ATP8A1: variants seen among roughly 807,000 people sequenced by gnomAD.
ATP8A1 encodes the protein phospholipid-transporting ATPase IA.
ATP8A1 carries 90 observed loss-of-function variants against 177.7 expected under a neutral mutation model. The observed-to-expected ratio is 0.51, with a 90% confidence interval of 0.43 to 0.60. The LOEUF (loss-of-function observed/expected upper bound fraction) is 0.60. Among genes scored for constraint, ATP8A1 ranks in the 20% least tolerant of loss-of-function variants. The pLI, the probability that ATP8A1 is intolerant of heterozygous loss-of-function variation, is 0.00. For synonymous variants in ATP8A1, 493 were observed against 485.9 expected (o/e 1.01, Z -0.19); for missense variants, 1,072 against 1,392.8 (o/e 0.77, Z 3.67).
intron 1 of ATP8A1, among the ~76,000 whole-genome samples, chr4:42,646,108 G>C (rs924084047): frequency 2.6e-5 from 4 of 152,334 alleles, no homozygotes; most frequent in Middle Eastern, 3.4e-3. Flanking sequence ...GTGGGTTCAG[G>C]TGAGCTGGCC....
At chr4:42,601,812 G>A (rs1735302949) in intron 5 of ATP8A1, among the ~76,000 whole-genome samples, 1 of 152,022 alleles carries the variant, frequency 6.6e-6, no homozygotes, top group African/African-American at 2.4e-5. Flanking sequence ...TTTGATGTTG[G>A]GATAGATGAA....
intron 24 of ATP8A1, among the ~76,000 whole-genome samples, chr4:42,497,655 A>C (rs1303527814): frequency 1.3e-5 from 2 of 152,216 alleles, no homozygotes; most frequent in Non-Finnish European, 2.9e-5. Flanking sequence ...TTAAAAAAAA[A>C]GGACACATTT....
At position 42,623,856 on chromosome 4, in the gene ATP8A1, A is replaced by C. The variant is rs75283311; in HGVS notation, c.363+680T>G. 1.0e-3 allele frequency among the ~76,000 whole-genome samples: 156 copies of C among 152,278 alleles called. 1 individual carries two copies. In the East Asian group the frequency reaches 0.028, roughly 28 times the overall value. On this transcript the variant is annotated intron_variant, in intron 4 of 36. Coordinates refer to ENST00000381668, the MANE Select transcript of ATP8A1 (RefSeq NM_006095.2). ...CCTGCACATGTACCCCTGAACTTAA[A>C]AGTCTCTCCTTCTCTCTCTCTATAT...
chr4:42,552,447 CTT>C (rs757973498), intron 17 of ATP8A1, 56 bp downstream of exon 17: 487 of 1,380,438 alleles, frequency 3.5e-4, no homozygotes, highest in Middle Eastern at 1.3e-3. Flanking sequence ...ATTAAATTGA[CTT>C]TTACATTCAG....
At chr4:42,506,180 C>T (rs764901206) in intron 23 of ATP8A1, among the ~76,000 whole-genome samples, 3 of 152,190 alleles carry the variant, frequency 2.0e-5, no homozygotes, top group Non-Finnish European at 4.4e-5. Context: ...AATTCATATG[C>T]TGAAACCCAG....
At chr4:42,451,033 C>T (rs761171749) in intron 30 of ATP8A1, among the ~76,000 whole-genome samples, 6 of 151,978 alleles carry the variant, frequency 3.9e-5, no homozygotes, top group Admixed American at 6.6e-5. Flanking sequence ...AGAGCCAATT[C>T]GAATATCTGT....
intron 1 of ATP8A1, among the ~76,000 whole-genome samples, chr4:42,630,623 T>C (rs902528687): frequency 1.3e-5 from 2 of 152,128 alleles, no homozygotes; most frequent in African/African-American, 4.8e-5. Flanking sequence ...CCTAGCACAA[T>C]CTTGTGCAAA....
intron 1 of ATP8A1, among the ~76,000 whole-genome samples, chr4:42,636,143 CACACA>C (rs1739329729): frequency 1.2e-4 from 5 of 41,412 alleles, no homozygotes; most frequent in African/African-American, 2.9e-4. Context: ...CACACACACA[CACACA>C]CACACACACG....
chr4:42,414,979 C>T (rs1267600825), intron 35 of ATP8A1: 1 of 436,772 alleles, frequency 2.3e-6, no homozygotes, highest in Non-Finnish European at 4.2e-6. Context: ...CCTCACCACC[C>T]CCCACTCAGT....
At chr4:42,521,568 T>C (rs1276323917) in intron 22 of ATP8A1, among the ~76,000 whole-genome samples, 1 of 152,238 alleles carries the variant, frequency 6.6e-6, no homozygotes, top group Admixed American at 6.5e-5. Flanking sequence ...TTTCTTTATC[T>C]GTAAAATGAG....
chr4:42,590,374 A>G (rs1445181624), intron 7 of ATP8A1, among the ~76,000 whole-genome samples: 4 of 152,214 alleles, frequency 2.6e-5, no homozygotes, highest in African/African-American at 9.6e-5. Flanking sequence ...GAACTTACAG[A>G]AAAATTTAAA....
chr4:42,544,434 A>C (rs972146557), intron 19 of ATP8A1, among the ~76,000 whole-genome samples: 1 of 152,246 alleles, frequency 6.6e-6, no homozygotes, highest in Non-Finnish European at 1.5e-5. Context: ...GAAGGCAAAT[A>C]CTAGTACTTT....
chr4:42,529,051 C>G (rs1411404491), intron 20 of ATP8A1, among the ~76,000 whole-genome samples: 3 of 152,278 alleles, frequency 2.0e-5, no homozygotes, highest in African/African-American at 7.2e-5. Flanking sequence ...CATTCCTTAT[C>G]TAGGTGTGTT....
chr4:42,435,028 T>C (rs1203948505), intron 33 of ATP8A1, among the ~76,000 whole-genome samples: 1 of 152,222 alleles, frequency 6.6e-6, no homozygotes, highest in Non-Finnish European at 1.5e-5. Context: ...GTAACTTGCT[T>C]TGGATGATGC....
rs964462064 is a variant in ATP8A1, at chr4:42,465,901, G to A, written c.2325-825C>T. Among the ~76,000 whole-genome samples the A allele has an allele frequency of 7.2e-5, 11 of 152,002 alleles. 1 individual carries two copies. Among genetic ancestry groups the A allele is most frequent in the Middle Eastern group, 6.8e-3 (2 of 294 alleles). On this transcript the variant is annotated intron_variant, in intron 25 of 36. Coordinates refer to ENST00000381668, the MANE Select transcript of ATP8A1 (RefSeq NM_006095.2). Reference sequence around the variant, plus strand: ...CAAAAAATTAGCCGGGCGTGGTGGCGGGCGCCTGTAGTCCCAGCTACTTGG... The same window carrying A: ...CAAAAAATTAGCCGGGCGTGGTGGCAGGCGCCTGTAGTCCCAGCTACTTGG...
At chr4:42,444,508 C>T (rs1716997694) in intron 32 of ATP8A1, 70 bp downstream of exon 32, 1 of 1,449,488 alleles carries the variant, frequency 6.9e-7, no homozygotes, top group Non-Finnish European at 9.6e-7. Flanking sequence ...GAGTGAAGAC[C>T]ACCACCAAGA....
At chr4:42,642,417 T>G (rs1382425479) in intron 1 of ATP8A1, among the ~76,000 whole-genome samples, 2 of 152,128 alleles carry the variant, frequency 1.3e-5, no homozygotes, top group African/African-American at 4.8e-5. Flanking sequence ...AAGCCAAGAA[T>G]CATTTTCACA....
chr4:42,615,119 T>A (rs1336346355), intron 5 of ATP8A1, among the ~76,000 whole-genome samples: 1 of 152,230 alleles, frequency 6.6e-6, no homozygotes, highest in Non-Finnish European at 1.5e-5. Flanking sequence ...TAAGTTGAAA[T>A]TCCCGTCTTA....
At position 42,452,009 on chromosome 4, in the gene ATP8A1, A is replaced by G. The variant is rs201094493; in HGVS notation, c.2868T>C (p.Phe956=). Residue 956 remains phenylalanine, a synonymous_variant, in exon 30 of 37, where the codon TTT becomes TTC. Coordinates refer to ENST00000381668, the MANE Select transcript of ATP8A1 (RefSeq NM_006095.2). ...ACTGAAGGGCTTTTAGTGGAAACCA[A>G]AACAGAATAACTGAGTGGAAGAGGC... ...LNGLFHSVIL[F]WFPLKALQYG... 2.0e-5 allele frequency: 33 copies of G among 1,613,196 alleles called. No homozygotes were observed. The highest frequency in any genetic ancestry group is 8.5e-7 in the Non-Finnish European group (1 of 1,179,548).
Sources: gnomAD v4.1 joint callset for allele counts (sites outside exome capture counted in the v4.1 genomes callset) on GRCh38, gnomAD v4.1.1 for gene constraint, MANE v1.5 for transcripts, NCBI Gene and HGNC (gene_info 2026-07-23, HGNC 2026-07-21) for gene names.